SLC4A5: variants seen among roughly 807,000 people sequenced by gnomAD.
The protein encoded by SLC4A5 is electrogenic sodium bicarbonate cotransporter 4.
In SLC4A5, 96 loss-of-function variants were observed where a neutral mutation model predicts 120.4. That is an observed-to-expected ratio of 0.80 (90% CI 0.68 to 0.94). The LOEUF is 0.94. Ranked by LOEUF, SLC4A5 falls within the 40% of genes least tolerant of loss-of-function variation. The pLI is 0.00. For synonymous variants in SLC4A5, 550 were observed against 571.1 expected, an observed-to-expected ratio of 0.96 and a Z score of 0.53; for missense variants, 1,259 against 1,459.5, an observed-to-expected ratio of 0.86 and a Z score of 2.24.
chr2:74,227,697 A>G (rs1694897592), intron 26 of SLC4A5, 113 bp downstream of exon 26: 5 of 1,194,888 alleles, frequency 4.2e-6, no homozygotes, highest in Admixed American at 2.4e-5. Flanking sequence ...TCTTTCATTG[A>G]ATTAGGACAA....
At chr2:74,248,657 C>T (rs1252379983) in intron 17 of SLC4A5, among the ~76,000 whole-genome samples, 171 bp from the exon 18 acceptor site, 1 of 152,204 alleles carries the variant, frequency 6.6e-6, no homozygotes, top group African/African-American at 2.4e-5. Context: ...CCACAACTTG[C>T]CACCATGGCC....
chr2:74,297,822 GGA>G (rs1176332336), intron 7 of SLC4A5, among the ~76,000 whole-genome samples: 1 of 152,004 alleles, frequency 6.6e-6, no homozygotes, highest in Admixed American at 6.6e-5. Flanking sequence ...TGGTAAGGAG[GGA>G]GAGAGAGAAA....
chr2:74,224,388 C>T (rs1694769476), intron 28 of SLC4A5, among the ~76,000 whole-genome samples: 1 of 152,150 alleles, frequency 6.6e-6, no homozygotes, highest in African/African-American at 2.4e-5. Flanking sequence ...AAGGCGCAAG[C>T]AAAACTTGTT....
chr2:74,234,191 G>C (rs893890745), intron 22 of SLC4A5, among the ~76,000 whole-genome samples: 1 of 123,680 alleles, frequency 8.1e-6, no homozygotes, highest in African/African-American at 3.0e-5. Context: ...TTTTTTTTTT[G>C]TTTTTGAGAC....
At chr2:74,238,822 A>T (rs1234487390) in intron 21 of SLC4A5, among the ~76,000 whole-genome samples, 1 of 152,210 alleles carries the variant, frequency 6.6e-6, no homozygotes, top group Non-Finnish European at 1.5e-5. Context: ...ATTACAATAA[A>T]ACTAAGAATT....
intron 3 of SLC4A5, 112 bp downstream of exon 3, chr2:74,338,743 G>A (rs1198135891): frequency 1.3e-5 from 2 of 152,252 alleles, no homozygotes; most frequent in Non-Finnish European, 2.9e-5. Context: ...GAACCCAGTA[G>A]GCAGAGGTTG....
chr2:74,320,302 T>C (rs1160439628), intron 5 of SLC4A5, among the ~76,000 whole-genome samples: 1 of 152,156 alleles, frequency 6.6e-6, no homozygotes, highest in East Asian at 1.9e-4. Flanking sequence ...GAAAGAACTT[T>C]CGATCAGCTC....
At chr2:74,246,426 G>A (rs1194456686) in intron 19 of SLC4A5, among the ~76,000 whole-genome samples, 1 of 152,158 alleles carries the variant, frequency 6.6e-6, no homozygotes, top group African/African-American at 2.4e-5. Flanking sequence ...TACATCCTGT[G>A]GTTTCAGAGG....
At chr2:74,267,979 C>T (rs1041409575) in intron 8 of SLC4A5, among the ~76,000 whole-genome samples, 3 of 151,822 alleles carry the variant, frequency 2.0e-5, no homozygotes, top group Non-Finnish European at 4.4e-5. Flanking sequence ...AGTGAGAGTC[C>T]GTCTACATTT....
At chr2:74,270,045 A>G (rs1239527979) in intron 8 of SLC4A5, among the ~76,000 whole-genome samples, 1 of 152,256 alleles carries the variant, frequency 6.6e-6, no homozygotes, top group Non-Finnish European at 1.5e-5. Flanking sequence ...AATAGCCTGC[A>G]TAAACACTAA....
At position 74,307,213 on chromosome 2, in the gene SLC4A5, T is replaced by A. The variant is rs1384241326; in HGVS notation, c.80-2533A>T. The A allele has an allele frequency of 7.5e-6, 4 of 536,740 alleles. No homozygotes were observed. The Admixed American group carries it at 9.9e-5, about 13-fold the overall frequency. 33.2% of individuals were successfully genotyped at this position (536,740 alleles called of 1,614,324 possible). A position where few individuals can be genotyped will look rare whatever the true frequency, so the allele number is the denominator to read the frequency against. ...TCCTCCATCTGCTGAGAGCAGTACTTGTCTGGCTCCTCTCGGCTCTTCTGA... is the reference window on the plus strand; with the variant it reads ...TCCTCCATCTGCTGAGAGCAGTACTAGTCTGGCTCCTCTCGGCTCTTCTGA... On this transcript the variant is annotated intron_variant, in intron 6 of 30. Coordinates refer to ENST00000394019, the Ensembl canonical transcript of SLC4A5.
At chr2:74,292,626 G>A (rs981838526) in intron 7 of SLC4A5, among the ~76,000 whole-genome samples, 4 of 152,072 alleles carry the variant, frequency 2.6e-5, no homozygotes, top group Admixed American at 2.0e-4. Context: ...CATGGGGACC[G>A]CTTCAGGAGG....
chr2:74,323,778 A>G (rs1673149941), intron 5 of SLC4A5, among the ~76,000 whole-genome samples: 1 of 152,274 alleles, frequency 6.6e-6, no homozygotes, highest in Non-Finnish European at 1.5e-5. Flanking sequence ...AAAAATGGTG[A>G]TGATATTCTA....
chr2:74,241,823 C>T (rs529620265), intron 20 of SLC4A5, among the ~76,000 whole-genome samples, 171 bp downstream of exon 20: 2 of 151,640 alleles, frequency 1.3e-5, no homozygotes, highest in South Asian at 4.2e-4. Context: ...ACAGTATATA[C>T]CTAAGAAAAA....
chr2:74,339,251 G>A (rs989638165), intron 2 of SLC4A5: 2 of 152,180 alleles, frequency 1.3e-5, no homozygotes, highest in African/African-American at 2.4e-5. Flanking sequence ...TTAGGGGAGG[G>A]AGAGCATCAG....
chr2:74,241,884 G>A lies in SLC4A5; in HGVS notation c.2118+110C>T, dbSNP rs757124353. The A allele has an allele frequency of 4.2e-5, 38 of 899,890 alleles. No homozygotes were observed. The Middle Eastern group carries it at 1.4e-3, about 33-fold the overall frequency. The allele number at this position is 899,890 out of a possible 1,614,324, so 55.7% of individuals were successfully genotyped here. ...GTGACCCTGACGTGCAGCTGGAGTT[G>A]ACCTCTGCAAGTCTGGGAGGCCATA... On this transcript the variant is annotated intron_variant, in intron 20 of 30. Coordinates refer to ENST00000394019, the Ensembl canonical transcript of SLC4A5.
intron 10 of SLC4A5, among the ~76,000 whole-genome samples, chr2:74,262,695 T>C (rs1342297072): frequency 2.0e-5 from 3 of 149,628 alleles, no homozygotes; most frequent in East Asian, 2.0e-4. Context: ...TGAGACTCCG[T>C]CTCAAAAAAA....
chr2:74,277,190 C>T (rs922970331), intron 8 of SLC4A5, among the ~76,000 whole-genome samples: 18 of 152,186 alleles, frequency 1.2e-4, no homozygotes, highest in African/African-American at 4.3e-4. Context: ...CAACAGCTCA[C>T]TCAAGATTAG....
At chr2:74,252,527 T>C (rs966582218) in intron 15 of SLC4A5, 139 bp from the exon 16 acceptor site, 2 of 962,734 alleles carry the variant, frequency 2.1e-6, no homozygotes, top group African/African-American at 3.3e-5. Flanking sequence ...GTCACCTAGA[T>C]TTTACAAATG....
Sources: allele counts gnomAD v4.1 joint callset (sites outside exome capture counted in the v4.1 genomes callset), GRCh38; gene constraint gnomAD v4.1.1; transcripts MANE v1.5; gene names NCBI Gene and HGNC (gene_info 2026-07-23, HGNC 2026-07-21).